The following TMTC2 variants were observed in gnomAD, a reference collection of about 807,000 sequenced individuals.
TMTC2 encodes the protein protein O-mannosyl-transferase TMTC2.
TMTC2 carries 43 observed loss-of-function variants against 82.4 expected under a neutral mutation model. The observed-to-expected ratio is 0.52, with a 90% confidence interval of 0.41 to 0.67. The LOEUF (loss-of-function observed/expected upper bound fraction) is 0.67. Among genes scored for constraint, TMTC2 ranks in the 30% least tolerant of loss-of-function variants. The pLI is 0.00. For synonymous variants in TMTC2, 408 were observed against 381.9 expected, an observed-to-expected ratio of 1.07 and a Z score of -0.80; for missense variants, 919 against 1,012.4, an observed-to-expected ratio of 0.91 and a Z score of 1.25.
intron 1 of TMTC2, among the ~76,000 whole-genome samples, chr12:82,810,465 A>G (rs933729577): frequency 2.2e-4 from 33 of 151,712 alleles, no homozygotes; most frequent in African/African-American, 7.7e-4. Context: ...TATTTTTAAC[A>G]GAATTATTAG....
At chr12:82,950,514 C>T (rs1017196783) in intron 4 of TMTC2, among the ~76,000 whole-genome samples, 1 of 152,172 alleles carries the variant, frequency 6.6e-6, no homozygotes, top group East Asian at 1.9e-4. Flanking sequence ...CTTAACCATT[C>T]TGATCTTTGA....
rs1022562803 is a variant in TMTC2 at position 82,714,208 on chromosome 12, A to G, written c.83+26539A>G. Among the ~76,000 whole-genome samples the G allele has an allele frequency of 5.3e-5, 8 of 152,368 alleles. No individual in the cohort carries two copies. In the East Asian group the frequency reaches 5.8e-4, roughly 11 times the overall value. On this transcript the variant is annotated intron_variant, in intron 1 of 11. Coordinates refer to ENST00000321196, the MANE Select transcript of TMTC2 (RefSeq NM_152588.3). ...GAGAATGGGATTATTGTAAATGAAC[A>G]TTAGGGATCTTAAATGATTTATGGT...
intron 8 of TMTC2, among the ~76,000 whole-genome samples, chr12:83,003,331 T>G (rs1437027825): frequency 6.6e-6 from 1 of 152,190 alleles, no homozygotes; most frequent in Non-Finnish European, 1.5e-5. Flanking sequence ...GAAACAGATC[T>G]CTTGAAAACA....
At chr12:83,109,259 A>T (rs1264159959) in intron 11 of TMTC2, among the ~76,000 whole-genome samples, 2 of 152,188 alleles carry the variant, frequency 1.3e-5, no homozygotes, top group Non-Finnish European at 2.9e-5. Context: ...GAAGGTGAAG[A>T]GAGAGAAAGA....
chr12:82,941,001 T>C (rs1370322157), intron 4 of TMTC2, among the ~76,000 whole-genome samples: 1 of 152,006 alleles, frequency 6.6e-6, no homozygotes, highest in Admixed American at 6.6e-5. Context: ...CCATGTCCTA[T>C]ACCATATAAA....
chr12:82,868,271 G>GTTCT (rs1480239002), intron 2 of TMTC2, among the ~76,000 whole-genome samples: 1 of 152,140 alleles, frequency 6.6e-6, no homozygotes, highest in Non-Finnish European at 1.5e-5. Context: ...GAACCATATA[G>GTTCT]AGTAGTTAAT....
chr12:83,018,148 G>T (rs1414370627), intron 8 of TMTC2, among the ~76,000 whole-genome samples: 2 of 151,970 alleles, frequency 1.3e-5, no homozygotes, highest in African/African-American at 2.4e-5. Context: ...CCCTGCCAGT[G>T]ACAAATGGAG....
intron 11 of TMTC2, among the ~76,000 whole-genome samples, chr12:83,073,653 T>C (rs552021087): frequency 1.3e-5 from 2 of 152,174 alleles, no homozygotes; most frequent in East Asian, 3.9e-4. Context: ...TCCCAGACTT[T>C]TTGGAGCCTT....
At chr12:82,902,269 G>T (rs1270041188) in intron 3 of TMTC2, among the ~76,000 whole-genome samples, 3 of 152,156 alleles carry the variant, frequency 2.0e-5, no homozygotes, top group Non-Finnish European at 4.4e-5. Flanking sequence ...CCCTAAGACT[G>T]CCACCCTCAG....
chr12:82,760,672 G>A (rs928542705), intron 1 of TMTC2, among the ~76,000 whole-genome samples: 3 of 151,946 alleles, frequency 2.0e-5, no homozygotes, highest in African/African-American at 7.2e-5. Flanking sequence ...GTGAGCCAGC[G>A]AAACTTCATC....
intron 8 of TMTC2, among the ~76,000 whole-genome samples, chr12:83,008,485 T>C (rs1407110819): frequency 6.6e-6 from 1 of 152,216 alleles, no homozygotes; most frequent in East Asian, 1.9e-4. Context: ...AAGGCATTCT[T>C]TACTTTTGTT....
intron 1 of TMTC2, among the ~76,000 whole-genome samples, chr12:82,740,725 C>T (rs1592891300): frequency 6.6e-6 from 1 of 152,174 alleles, no homozygotes. Context: ...CTATCTGTGA[C>T]CCTCCCTCTC....
chr12:83,103,852 A>G (rs1239238889), intron 11 of TMTC2, among the ~76,000 whole-genome samples: 3 of 152,238 alleles, frequency 2.0e-5, no homozygotes, highest in African/African-American at 7.2e-5. Context: ...AAGCCTGTAA[A>G]ATAAAAAACA....
At chr12:82,736,404 C>A (rs921098539) in intron 1 of TMTC2, among the ~76,000 whole-genome samples, 1 of 151,640 alleles carries the variant, frequency 6.6e-6, no homozygotes, top group South Asian at 2.1e-4. Context: ...TAGTAAAGTC[C>A]CATTATCATG....
intron 2 of TMTC2, 92 bp from the exon 3 acceptor site, chr12:82,895,726 C>A: frequency 8.7e-7 from 1 of 1,152,984 alleles, no homozygotes; most frequent in South Asian, 1.7e-5. Flanking sequence ...TTTAACGGTC[C>A]ATTTAAAAAT....
intron 11 of TMTC2, among the ~76,000 whole-genome samples, chr12:83,072,899 G>A (rs1592729581): frequency 1.3e-5 from 2 of 151,998 alleles, no homozygotes; most frequent in East Asian, 3.9e-4. Context: ...TATATGTTAA[G>A]TAGTCTCCTG....
chr12:82,832,080 A>G (rs1869780481), intron 1 of TMTC2, among the ~76,000 whole-genome samples: 1 of 152,160 alleles, frequency 6.6e-6, no homozygotes, highest in Non-Finnish European at 1.5e-5. Context: ...AACCATTACC[A>G]TTTTGAAGTG....
intron 1 of TMTC2, among the ~76,000 whole-genome samples, chr12:82,699,088 C>G (rs1872949888): frequency 6.6e-6 from 1 of 152,208 alleles, no homozygotes; most frequent in African/African-American, 2.4e-5. Context: ...TCACTCTCAT[C>G]TCCCGTGAGA....
chr12:83,033,480 C>T lies in TMTC2; in HGVS notation c.2152+2601C>T, dbSNP rs546347591. Among the ~76,000 whole-genome samples the T allele has an allele frequency of 5.3e-5, 8 of 152,258 alleles. No individual in the cohort carries two copies. The East Asian group carries it at 5.8e-4, about 11-fold the overall frequency. On this transcript the variant is annotated intron_variant, in intron 9 of 11. Transcript: ENST00000321196. ...ATAAAATATATTCTGAGTTCGGGCA[C>T]GGCGGCTCACGCCTGCAATCCCAGC...
Sources: gnomAD v4.1 joint callset for allele counts (sites outside exome capture counted in the v4.1 genomes callset) on GRCh38, gnomAD v4.1.1 for gene constraint, MANE v1.5 for transcripts, NCBI Gene and HGNC (gene_info 2026-07-23, HGNC 2026-07-21) for gene names.